The following DRC9 variants were observed in gnomAD, a reference collection of about 807,000 sequenced individuals.
DRC9 encodes dynein regulatory complex protein 9.
At chr3:197,932,903 ATATG>A in the DRC9 span, among the ~76,000 whole-genome samples, 1 of 140,634 alleles carries the variant, frequency 7.1e-6, no homozygotes, top group Non-Finnish European at 1.5e-5. Context: ...TATGTATTAT[ATATG>A]TATTATATGC....
chr3:197,951,440 C>T, the DRC9 span: 1 of 1,009,308 alleles, frequency 9.9e-7, no homozygotes, highest in East Asian at 2.5e-5. Flanking sequence ...GAAACCTCCG[C>T]CTCCCGGGTT....
At chr3:197,911,222 A>G in the DRC9 span, among the ~76,000 whole-genome samples, 9 of 152,202 alleles carry the variant, frequency 5.9e-5, no homozygotes, top group Non-Finnish European at 1.2e-4. Flanking sequence ...ACTTTGAAAA[A>G]TATTGAAAAT....
the DRC9 span, among the ~76,000 whole-genome samples, chr3:197,939,777 C>G: frequency 6.6e-6 from 1 of 151,950 alleles, no homozygotes; most frequent in East Asian, 1.9e-4. Context: ...CTTGCTCCGC[C>G]GCCCAGGCTG....
the DRC9 span, among the ~76,000 whole-genome samples, chr3:197,945,125 A>C: frequency 3.8e-3 from 574 of 151,740 alleles, 6 homozygotes; most frequent in African/African-American, 0.013. Flanking sequence ...TGTAACCAGA[A>C]GGTTACGGTG....
chr3:197,954,067 G>A, the DRC9 span: 1 of 1,614,058 alleles, frequency 6.2e-7, no homozygotes, highest in Admixed American at 1.7e-5. Context: ...AGTAACTCGG[G>A]CCCATGGAAA....
chr3:197,905,923 G>A, the DRC9 span, among the ~76,000 whole-genome samples: 1 of 151,614 alleles, frequency 6.6e-6, no homozygotes, highest in Non-Finnish European at 1.5e-5. Flanking sequence ...TCATCCTGAT[G>A]AGAAGAAAAA....
the DRC9 span, among the ~76,000 whole-genome samples, chr3:197,937,107 A>G: frequency 6.6e-6 from 1 of 152,234 alleles, no homozygotes. Context: ...CCGTATTCCA[A>G]TAAAGCTTTT....
chr3:197,907,865 C>T, the DRC9 span, among the ~76,000 whole-genome samples: 2 of 150,424 alleles, frequency 1.3e-5, no homozygotes, highest in African/African-American at 4.9e-5. Flanking sequence ...AGGCACCCTC[C>T]CAGATGAAGT....
the DRC9 span, among the ~76,000 whole-genome samples, chr3:197,933,414 C>T: frequency 2.6e-5 from 4 of 151,866 alleles, no homozygotes; most frequent in Admixed American, 2.6e-4. Context: ...GCACTCCAGC[C>T]TGGGCAACAC....
At chr3:197,910,857 A>C in the DRC9 span, among the ~76,000 whole-genome samples, 1 of 152,064 alleles carries the variant, frequency 6.6e-6, no homozygotes, top group Admixed American at 6.6e-5. Context: ...CTGTAATCCC[A>C]GCTACTCAGG....
At chr3:197,889,567 A>G in the DRC9 span, 60 of 1,613,992 alleles carry the variant, frequency 3.7e-5, no homozygotes, top group Admixed American at 8.5e-4. Flanking sequence ...AGAAAACACA[A>G]AAGAGAACTT....
the DRC9 span, among the ~76,000 whole-genome samples, chr3:197,902,729 A>C: frequency 1.3e-5 from 2 of 152,144 alleles, no homozygotes; most frequent in Non-Finnish European, 2.9e-5. Context: ...GATTGGAAGA[A>C]TCAATATTGT....
the DRC9 span, chr3:197,949,996 AAGT>A: frequency 1.6e-6 from 1 of 624,964 alleles, no homozygotes. Context: ...CCTTGTTCCC[AAGT>A]AGTACATTTT....
the DRC9 span, chr3:197,912,939 G>A: frequency 5.0e-6 from 3 of 597,704 alleles, no homozygotes; most frequent in Admixed American, 2.9e-5. Flanking sequence ...TGTGGACTGC[G>A]TGTGTCCCTA....
At chr3:197,909,106 C>CTGTTCTTGGAATG in the DRC9 span, among the ~76,000 whole-genome samples, 1 of 152,206 alleles carries the variant, frequency 6.6e-6, no homozygotes, top group Non-Finnish European at 1.5e-5. Flanking sequence ...TTCCAAGTTT[C>CTGTTCTTGGAATG]AGGGTCCTGT....
the DRC9 span, chr3:197,906,388 A>G: frequency 3.9e-5 from 6 of 152,190 alleles, no homozygotes; most frequent in Admixed American, 2.6e-4. Context: ...CTACTTTATT[A>G]ACATATTAAA....
the DRC9 span, among the ~76,000 whole-genome samples, chr3:197,902,314 T>C: frequency 2.6e-5 from 4 of 152,088 alleles, no homozygotes; most frequent in African/African-American, 9.7e-5. Flanking sequence ...CATATACCGA[T>C]GAACATCCAG....
the DRC9 span, chr3:197,954,418 C>T: frequency 6.3e-6 from 3 of 479,616 alleles, no homozygotes; most frequent in African/African-American, 2.0e-5. Flanking sequence ...ATTGCAGCCT[C>T]GACCTCCTGG....
the DRC9 span, among the ~76,000 whole-genome samples, chr3:197,927,028 TTAAC>T: frequency 6.6e-6 from 1 of 151,920 alleles, no homozygotes; most frequent in African/African-American, 2.4e-5. Context: ...GCCTGTGAAC[TTAAC>T]TACTTTGTAT....
Sources: allele counts gnomAD v4.1 joint callset (sites outside exome capture counted in the v4.1 genomes callset), GRCh38; gene constraint gnomAD v4.1.1; transcripts MANE v1.5; gene names NCBI Gene and HGNC (gene_info 2026-07-23, HGNC 2026-07-21).